The following C16orf95 variants were observed in gnomAD, a reference collection of about 807,000 sequenced individuals.
C16orf95 encodes the protein chromosome 16 open reading frame 95.
A neutral mutation model predicts 32.1 loss-of-function variants in C16orf95; 41 were observed. The observed-to-expected ratio is 1.28, with a 90% CI of 1.00 to 1.66. The LOEUF (loss-of-function observed/expected upper bound fraction) is 1.66, where lower values mean the gene tolerates loss of function less well. Among genes scored for constraint, C16orf95 ranks in the 40% most tolerant of loss-of-function variants. The probability of loss-of-function intolerance (pLI) is 0.00; values close to 1 mark genes in which losing one functional copy is unlikely to be tolerated. For missense variants in C16orf95, 399 were observed against 325.9 expected, an observed-to-expected ratio of 1.22 and a Z score of -1.73; for synonymous variants, 147 against 128.9, an observed-to-expected ratio of 1.14 and a Z score of -0.95.
At chr16:87,312,565 T>A (rs1253572977) in intron 3 of C16orf95, among the ~76,000 whole-genome samples, 9 of 81,292 alleles carry the variant, frequency 1.1e-4, no homozygotes, top group Admixed American at 3.1e-4. Flanking sequence ...TGAGACTCCA[T>A]CTCAAAAAAA....
intron 4 of C16orf95, 116 bp downstream of exon 4, chr16:87,311,034 G>A: frequency 9.9e-7 from 1 of 1,006,176 alleles, no homozygotes; most frequent in Non-Finnish European, 1.4e-6. Context: ...CACCAGCAGA[G>A]GCCTTTGTGG....
intron 5 of C16orf95, among the ~76,000 whole-genome samples, chr16:87,309,421 T>C (rs1251046616): frequency 6.9e-6 from 1 of 145,660 alleles, no homozygotes; most frequent in Non-Finnish European, 1.5e-5. Context: ...TCTCACTCTG[T>C]TGCCCAGGCT....
At position 87,310,278 on chromosome 16, in the gene C16orf95, A is replaced by C; in HGVS notation, c.514+19T>G. The C allele has an allele frequency of 6.5e-7, 1 of 1,535,948 alleles. No individual in the cohort carries two copies. The highest frequency in any genetic ancestry group is 8.7e-7 in the Non-Finnish European group (1 of 1,146,734). Reference sequence around the variant, plus strand: ...TCTGGGGAGGGGGATGATATGAGACACACACACACTGGAGTTACCTTGGAT... The same window carrying C: ...TCTGGGGAGGGGGATGATATGAGACCCACACACACTGGAGTTACCTTGGAT... On this transcript the variant is annotated intron_variant, in intron 5 of 6. Coordinates refer to ENST00000567970, the MANE Select transcript of C16orf95 (RefSeq NM_001195124.3).
intron 3 of C16orf95, among the ~76,000 whole-genome samples, 186 bp downstream of exon 3, chr16:87,314,785 C>G (rs539246986): frequency 1.1e-3 from 170 of 152,312 alleles, no homozygotes; most frequent in African/African-American, 3.9e-3. Flanking sequence ...GTGCCTCCCT[C>G]AGACCTTGCT....
intron 3 of C16orf95, among the ~76,000 whole-genome samples, chr16:87,314,316 C>G (rs913924011): frequency 6.6e-6 from 1 of 152,162 alleles, no homozygotes; most frequent in African/African-American, 2.4e-5. Flanking sequence ...CATAATGCAG[C>G]ATTACTCAAT....
intron 3 of C16orf95, 142 bp from the exon 4 acceptor site, chr16:87,311,438 C>T (rs1911281828): frequency 3.8e-6 from 3 of 779,562 alleles, no homozygotes; most frequent in Non-Finnish European, 5.9e-6. Flanking sequence ...CTGTTCCCAC[C>T]CACAAGCACA....
At chr16:87,303,402 C>G in intron 6 of C16orf95, 1 of 287,294 alleles carries the variant, frequency 3.5e-6, no homozygotes, top group East Asian at 6.1e-5. Context: ...TTGGGGGCTC[C>G]CTGCCAAGAG....
intron 4 of C16orf95, among the ~76,000 whole-genome samples, chr16:87,310,786 G>A (rs1320824265): frequency 6.6e-6 from 1 of 152,184 alleles, no homozygotes; most frequent in Non-Finnish European, 1.5e-5. Context: ...GGGAGGTAGT[G>A]TGGGAAGGAG....
chr16:87,303,834 C>T (rs1282350187), intron 6 of C16orf95, among the ~76,000 whole-genome samples: 1 of 152,114 alleles, frequency 6.6e-6, no homozygotes, highest in Non-Finnish European at 1.5e-5. Context: ...CAAGAGCATG[C>T]CCAGGCCCTC....
In C16orf95 at chr16:87,303,042, C is replaced by T. The variant is rs776964286; in HGVS notation, c.*15G>A. On this transcript the variant is annotated 3_prime_UTR_variant, in exon 7 of 7. Transcript: ENST00000567970. ...TTTTTGTGGCTGTTCTTGACAGTAG[C>T]TGAAGATTCCAACTTCAAACCCCAA... The T allele has an allele frequency of 6.5e-7, 1 of 1,536,072 alleles. No individual in the cohort carries two copies. Among genetic ancestry groups the T allele is most frequent in the Non-Finnish European group, 8.7e-7 (1 of 1,146,818 alleles).
rs1037587662 is a variant in C16orf95 at position 87,317,378 on chromosome 16, G to A, written c.-136C>T. On this transcript the variant is annotated 5_prime_UTR_variant, in exon 1 of 7. Coordinates refer to ENST00000567970, the MANE Select transcript of C16orf95 (RefSeq NM_001195124.3). ...CCCCAGCCCCAACCTCAACCGCTCAGAGGAGCCCAACAACGCCCGCGCGCC... is the reference window on the plus strand; with the variant it reads ...CCCCAGCCCCAACCTCAACCGCTCAAAGGAGCCCAACAACGCCCGCGCGCC... The A allele has an allele frequency of 7.6e-5, 107 of 1,403,124 alleles. No individual in the cohort carries two copies. The highest frequency in any genetic ancestry group is 4.3e-4 in the Middle Eastern group (2 of 4,658). 86.9% of individuals were successfully genotyped at this position (1,403,124 alleles called of 1,614,324 possible). A position where few individuals can be genotyped will look rare whatever the true frequency, so the allele number is the denominator to read the frequency against.
rs1381542601 is a variant in C16orf95, at chr16:87,315,773, G to C, written c.203C>G (p.Ser68Trp). ...TGGCTGAGGATTTGCTTTCCTTACC[G>C]AATGACGGGGGAGGCACACTTCTTT... The part of the protein sequence containing the change: ...YKKEVCLPRH[S>W]MHPGPWAICC... The change falls in exon 2 of 7, where the codon TCG becomes TGG. Residue 68 changes from serine to tryptophan, a missense_variant and splice_region_variant. Transcript: ENST00000567970. 3.3e-6 allele frequency: 5 copies of C among 1,529,548 alleles called. No individual in the cohort carries two copies. Among genetic ancestry groups the C allele is most frequent in the Non-Finnish European group, 4.4e-6 (5 of 1,143,448 alleles). The allele number at this position is 1,529,548 out of a possible 1,614,324, so 94.7% of individuals were successfully genotyped here. A position where few individuals can be genotyped will look rare whatever the true frequency, so the allele number is the denominator to read the frequency against.
chr16:87,302,866 C>A lies in C16orf95; in HGVS notation c.*191G>T. On this transcript the variant is annotated 3_prime_UTR_variant, in exon 7 of 7. Transcript: ENST00000567970. ...GACCACATTCATAACAGAAACTCAC[C>A]CACATTCACATGAACTTTGCTACAA... 1.6e-6 allele frequency: 1 copy of A among 626,358 alleles called. No individual in the cohort carries two copies. The highest frequency in any genetic ancestry group is 1.9e-5 in the South Asian group (1 of 53,748). The allele number at this position is 626,358 out of a possible 1,614,324, so 38.8% of individuals were successfully genotyped here.
intron 4 of C16orf95, among the ~76,000 whole-genome samples, chr16:87,310,683 T>C (rs1911241507): frequency 6.6e-6 from 1 of 152,142 alleles, no homozygotes; most frequent in Non-Finnish European, 1.5e-5. Flanking sequence ...ACAGGCCATC[T>C]ACTGGTGGTC....
intron 5 of C16orf95, among the ~76,000 whole-genome samples, chr16:87,306,358 G>T (rs1911030061): frequency 6.6e-6 from 1 of 152,132 alleles, no homozygotes; most frequent in Admixed American, 6.5e-5. Flanking sequence ...AAGCACGGAT[G>T]GAATTCCAAC....
chr16:87,302,833 C>T lies in C16orf95; in HGVS notation c.*224G>A. ...GGCCAGTTTAGAGTTTCACAAATAA[C>T]ATTTATTGACCACATTCATAACAGA... On this transcript the variant is annotated 3_prime_UTR_variant, in exon 7 of 7. Transcript: ENST00000567970. 1 of 569,180 alleles carries T rather than the reference C, an allele frequency of 1.8e-6. No homozygotes were observed. Among genetic ancestry groups the T allele is most frequent in the Non-Finnish European group, 3.2e-6 (1 of 316,204 alleles). The allele number at this position is 569,180 out of a possible 1,614,324, so 35.3% of individuals were successfully genotyped here.
chr16:87,313,235 CAA>C (rs1911364567), intron 3 of C16orf95, among the ~76,000 whole-genome samples: 1 of 143,784 alleles, frequency 7.0e-6, no homozygotes, highest in Non-Finnish European at 1.5e-5. Flanking sequence ...AAAAGAAAAA[CAA>C]AGTTTGAAAA....
chr16:87,304,386 G>A (rs576128668), intron 6 of C16orf95, among the ~76,000 whole-genome samples: 2 of 151,458 alleles, frequency 1.3e-5, no homozygotes, highest in East Asian at 3.9e-4. Flanking sequence ...ATCCAGGTGT[G>A]GGCCACCATG....
At position 87,315,748 on chromosome 16, in the gene C16orf95, T is replaced by G. The variant is rs199777253; in HGVS notation, c.204+24A>C. On this transcript the variant is annotated intron_variant, in intron 2 of 6. Transcript: ENST00000567970. ...AGGGATATGTTGGGGTCAGGGCCAG[T>G]GGCTGAGGATTTGCTTTCCTTACCG... 1,841 of 1,520,656 alleles carry G rather than the reference T, an allele frequency of 1.2e-3. 4 individuals carry two copies. Among genetic ancestry groups the G allele is most frequent in the Non-Finnish European group, 1.4e-3 (1,631 of 1,137,994 alleles). The allele number at this position is 1,520,656 out of a possible 1,614,324, so 94.2% of individuals were successfully genotyped here. A position where few individuals can be genotyped will look rare whatever the true frequency, so the allele number is the denominator to read the frequency against.
Sources: gnomAD v4.1 joint callset for allele counts (sites outside exome capture counted in the v4.1 genomes callset) on GRCh38, gnomAD v4.1.1 for gene constraint, MANE v1.5 for transcripts, NCBI Gene and HGNC (gene_info 2026-07-23, HGNC 2026-07-21) for gene names.